XRN1: variants seen among roughly 807,000 people sequenced by gnomAD.
XRN1 encodes the protein 5'-3' exoribonuclease 1, also known as strand-exchange protein 1 homolog.
Under a neutral mutation model 222.3 loss-of-function variants are expected in XRN1, and 67 were observed. That is an observed-to-expected ratio of 0.30 (90% CI 0.25 to 0.37). The LOEUF (loss-of-function observed/expected upper bound fraction) is 0.37, where lower values mean the gene tolerates loss of function less well. Ranked by LOEUF, XRN1 falls within the 10% of genes least tolerant of loss-of-function variation. XRN1 has a pLI of 1.00. For synonymous variants in XRN1, 643 were observed against 652.4 expected (o/e 0.99, Z 0.22); for missense variants, 1,707 against 2,000.2 (o/e 0.85, Z 2.80).
At chr3:142,386,264 G>A (rs865960709) in intron 20 of XRN1, among the ~76,000 whole-genome samples, 1 of 151,888 alleles carries the variant, frequency 6.6e-6, no homozygotes, top group African/African-American at 2.4e-5. Flanking sequence ...CATGAAAGTA[G>A]ATGCAAAAAT....
chr3:142,420,712 TA>T (rs1171882300), intron 10 of XRN1, among the ~76,000 whole-genome samples: 1 of 152,114 alleles, frequency 6.6e-6, no homozygotes, highest in African/African-American at 2.4e-5. Flanking sequence ...GTAATTTTTT[TA>T]AAAAGCCCAG....
chr3:142,413,547 T>C (rs921611081), intron 14 of XRN1, among the ~76,000 whole-genome samples: 3 of 152,152 alleles, frequency 2.0e-5, no homozygotes, highest in Non-Finnish European at 2.9e-5. Flanking sequence ...ATTGTTACCC[T>C]CAAAGAACGA....
intron 19 of XRN1, 80 bp downstream of exon 19, chr3:142,400,364 T>TA (rs1447000026): frequency 3.3e-6 from 4 of 1,216,142 alleles, no homozygotes; most frequent in East Asian, 4.9e-5. Context: ...TTTTGTCAGT[T>TA]AAAAAAATGA....
intron 15 of XRN1, among the ~76,000 whole-genome samples, chr3:142,411,471 A>G (rs2068578173): frequency 6.6e-6 from 1 of 151,894 alleles, no homozygotes; most frequent in African/African-American, 2.4e-5. Flanking sequence ...AGAACCTTAA[A>G]TTTCCTTTTA....
At chr3:142,388,894 C>T (rs2067608095) in intron 20 of XRN1, among the ~76,000 whole-genome samples, 1 of 152,182 alleles carries the variant, frequency 6.6e-6, no homozygotes, top group South Asian at 2.1e-4. Context: ...CAAGAAACCA[C>T]TTTCATTGTT....
rs369031423 is a variant in XRN1 at position 142,365,341 on chromosome 3, C to T, written c.3230G>A (p.Arg1077Gln). Residue 1077 changes from arginine to glutamine, a missense_variant, in exon 28 of 41, where the codon CGA becomes CAA. Arg to Gln is a conservative substitution (Grantham distance 43). Coordinates refer to ENST00000392981, the MANE Select transcript of XRN1 (RefSeq NM_001282857.2). ...TAGCAAATGGGGTTTCACTGTTACT[C>T]GCACCTTCTTATTATTCTTTCTTTG... ...CKQRKNNKKV[R>Q]VTVKPHLLYR... is the part of the protein sequence containing the mutation. 2.5e-6 allele frequency: 4 copies of T among 1,575,022 alleles called. No individual in the cohort carries two copies. The highest frequency in any genetic ancestry group is 3.4e-6 in the Non-Finnish European group (4 of 1,160,284).
chr3:142,331,375 T>C (rs1340603478), intron 36 of XRN1, among the ~76,000 whole-genome samples: 1 of 152,220 alleles, frequency 6.6e-6, no homozygotes, highest in Non-Finnish European at 1.5e-5. Context: ...TATGACTCAC[T>C]TTCCTATATC....
At chr3:142,393,901 A>G (rs1577354891) in intron 20 of XRN1, among the ~76,000 whole-genome samples, 2 of 150,798 alleles carry the variant, frequency 1.3e-5, no homozygotes, top group South Asian at 2.1e-4. Flanking sequence ...ATCTTGGCTC[A>G]CTGCAACCTC....
At chr3:142,375,382 T>C (rs959545748) in intron 25 of XRN1, among the ~76,000 whole-genome samples, 1 of 152,186 alleles carries the variant, frequency 6.6e-6, no homozygotes, top group African/African-American at 2.4e-5. Context: ...GCTGATTTCC[T>C]AGATAATTTC....
intron 23 of XRN1, among the ~76,000 whole-genome samples, chr3:142,377,678 C>A (rs547075160): frequency 6.6e-6 from 1 of 152,038 alleles, no homozygotes; most frequent in Non-Finnish European, 1.5e-5. Flanking sequence ...TCACAAACAT[C>A]CTAGAAAATA....
At chr3:142,420,827 T>C (rs1559869261) in intron 10 of XRN1, among the ~76,000 whole-genome samples, 189 bp downstream of exon 10, 1 of 152,094 alleles carries the variant, frequency 6.6e-6, no homozygotes, top group South Asian at 2.1e-4. Flanking sequence ...GAACTGATTA[T>C]TGAAGATCTC....
rs776208621 is a variant in XRN1 at position 142,384,549 on chromosome 3, G to C, written c.2476C>G (p.Pro826Ala). The change falls in exon 21 of 41, where the codon CCT becomes GCT. Residue 826 changes from proline (P) to alanine (A), a missense_variant. By Grantham distance (27) the Pro-to-Ala change is conservative. This residue lies in a region of XRN1 where 1,234 missense variants were observed against 1,518.2 expected (regional missense o/e 0.81). Coordinates refer to ENST00000392981, the MANE Select transcript of XRN1 (RefSeq NM_001282857.2). Reference sequence around the variant, plus strand: ...TTGACAATAGTTTGATAAACAAAAGGAACAACTTGTTTTGACCACTGTTTC... The same window carrying C: ...TTGACAATAGTTTGATAAACAAAAGCAACAACTTGTTTTGACCACTGTTTC... ...LEKQWSKQVV[P>A]FVYQTIVKDI... The C allele has an allele frequency of 6.2e-7, 1 of 1,610,812 alleles. No homozygotes were observed. Among genetic ancestry groups the C allele is most frequent in the South Asian group, 1.1e-5 (1 of 90,362 alleles).
At chr3:142,323,367 A>C (rs1178618844) in intron 37 of XRN1, among the ~76,000 whole-genome samples, 3 of 151,014 alleles carry the variant, frequency 2.0e-5, no homozygotes, top group African/African-American at 7.3e-5. Context: ...TTTTTAGTAG[A>C]GATGGGGTTT....
chr3:142,357,169 GT>G (rs2066487788), intron 30 of XRN1, 50 bp from the exon 31 acceptor site: 1 of 1,517,130 alleles, frequency 6.6e-7, no homozygotes, highest in African/African-American at 1.4e-5. Context: ...TACTAAATGT[GT>G]TAGGGAGAAA....
At chr3:142,432,967 T>G in intron 1 of XRN1, 74 bp from the exon 2 acceptor site, 1 of 1,145,772 alleles carries the variant, frequency 8.7e-7, no homozygotes, top group Non-Finnish European at 1.2e-6. Context: ...CAGGGAAAAG[T>G]GATTATTCAA....
chr3:142,319,011 G>C, intron 37 of XRN1, 108 bp from the exon 38 acceptor site: 1 of 960,744 alleles, frequency 1.0e-6, no homozygotes, highest in Non-Finnish European at 1.5e-6. Context: ...ATTTAAAAAA[G>C]GGCTTTCAGT....
chr3:142,421,583 CA>C, intron 8 of XRN1, 40 bp from the exon 9 acceptor site: 1 of 1,430,622 alleles, frequency 7.0e-7, no homozygotes, highest in Admixed American at 2.0e-5. Flanking sequence ...TAAAAGCTGA[CA>C]TTTTTTCTAA....
intron 20 of XRN1, among the ~76,000 whole-genome samples, chr3:142,386,232 A>G (rs957025381): frequency 2.0e-5 from 3 of 152,056 alleles, no homozygotes; most frequent in African/African-American, 7.2e-5. Flanking sequence ...GGAAATCTTT[A>G]TAATTATGGG....
intron 2 of XRN1, 138 bp downstream of exon 2, chr3:142,432,523 A>G: frequency 2.5e-6 from 2 of 785,278 alleles, no homozygotes; most frequent in Non-Finnish European, 4.0e-6. Context: ...AAAATATGAC[A>G]CTGAGATATT....
Sources: allele counts gnomAD v4.1 joint callset (sites outside exome capture counted in the v4.1 genomes callset), GRCh38; gene constraint gnomAD v4.1.1; regional missense constraint gnomAD v4.1.1; transcripts MANE v1.5; gene names NCBI Gene and HGNC (gene_info 2026-07-23, HGNC 2026-07-21).